Variants in SPNS2 observed in about 807,000 individuals in gnomAD.
SPNS2 encodes the protein sphingosine-1-phosphate transporter SPNS2.
In SPNS2, 37 loss-of-function variants were observed where a neutral mutation model predicts 57.6. That is an observed-to-expected ratio of 0.64 (90% CI 0.49 to 0.85). The LOEUF (loss-of-function observed/expected upper bound fraction) is 0.85. SPNS2 is among the 40% of genes least tolerant of loss of function. The pLI is 0.00. For missense variants in SPNS2, 831 were observed against 779.1 expected, an observed-to-expected ratio of 1.07 and a Z score of -0.79; for synonymous variants, 440 against 346.9, an observed-to-expected ratio of 1.27 and a Z score of -2.98.
chr17:4,521,513 C>G (rs922708632), intron 2 of SPNS2, among the ~76,000 whole-genome samples: 1 of 152,236 alleles, frequency 6.6e-6, no homozygotes, highest in Non-Finnish European at 1.5e-5. Context: ...CCAGACCCAC[C>G]CTGGAGAGCT....
Position 4,530,988 on chromosome 17 carries a change from C to T in SPNS2, c.726-65C>T, listed in dbSNP as rs1158068469. 3.2e-6 allele frequency: 5 copies of T among 1,579,944 alleles called. No individual in the cohort carries two copies. In the African/African-American group the frequency reaches 5.4e-5, roughly 17 times the overall value. On this transcript the variant is annotated intron_variant, in intron 4 of 12. Coordinates refer to ENST00000329078, the MANE Select transcript of SPNS2 (RefSeq NM_001124758.3). ...AGGGTGGGCAGCCTGCCTTGCAGAC[C>T]AGCGGGCACTCCCTGTCCCCAGCCC...
At chr17:4,516,888 G>A (rs189772629) in intron 2 of SPNS2, among the ~76,000 whole-genome samples, 14 of 152,304 alleles carry the variant, frequency 9.2e-5, no homozygotes, top group Non-Finnish European at 1.5e-4. Context: ...CCAGATAAAC[G>A]TCTTCGAAGC....
chr17:4,530,780 GC>G lies in SPNS2; in HGVS notation c.723del (p.Ser242ValfsTer11). On this transcript the variant is annotated frameshift_variant and splice_region_variant, in exon 4 of 13. Coordinates refer to ENST00000329078, the MANE Select transcript of SPNS2 (RefSeq NM_001124758.3). LOFTEE classifies it high-confidence loss of function. Reference sequence around the variant, plus strand: ...GTCTTCTACTTCGCCATCCCACTGGGCAGGTGAGAGCCGGAGATGCCAGGGT... The same window carrying G: ...GTCTTCTACTTCGCCATCCCACTGGGAGGTGAGAGCCGGAGATGCCAGGGT... The part of the protein sequence containing the change: ...LSVFYFAIPL[G>X]SGLGYITGSS... 6.2e-7 allele frequency: 1 copy of G among 1,612,212 alleles called. No homozygotes were observed. The highest frequency in any genetic ancestry group is 1.1e-5 in the South Asian group (1 of 91,006).
At position 4,499,305 on chromosome 17, in the gene SPNS2, C is replaced by T. The variant is rs936282509; in HGVS notation, c.258C>T (p.Gly86=). 5.7e-5 allele frequency: 85 copies of T among 1,495,170 alleles called. No homozygotes were observed. The highest frequency in any genetic ancestry group is 6.9e-5 in the Non-Finnish European group (78 of 1,129,074). 92.6% of individuals were successfully genotyped at this position (1,495,170 alleles called of 1,614,324 possible). The part of the protein sequence containing the change: ...GTPGCAATAK[G]PGAQQPKPAS... ...CCGGCTGCGCAGCTACTGCAAAGGG[C>T]CCCGGCGCTCAGCAGCCCAAACCGG... is the stretch of plus-strand genomic sequence containing the variant. The change falls in exon 1 of 13, where the codon GGC becomes GGT. Residue 86 remains glycine (G), a synonymous_variant. Transcript: ENST00000329078. The surrounding 1 kb of genome is among the most constrained non-coding windows in gnomAD (Gnocchi z 5.2).
Position 4,513,292 on chromosome 17 carries a change from G to T in SPNS2, c.416G>T (p.Gly139Val), listed in dbSNP as rs370910513. 1.2e-6 allele frequency: 2 copies of T among 1,613,860 alleles called. No individual in the cohort carries two copies. The highest frequency in any genetic ancestry group is 2.7e-5 in the African/African-American group (2 of 74,932). ...IQQHFGVKDRGAGLLQSVFIC... is the reference protein window; with the variant it reads ...IQQHFGVKDRVAGLLQSVFIC... ...CAGCACTTTGGGGTCAAGGACCGAG[G>T]CGCCGGCCTGCTGCAGTCAGGTGAG... is the stretch of plus-strand genomic sequence containing the variant. Residue 139 changes from glycine (G) to valine (V), a missense_variant, in exon 2 of 13, where the codon GGC becomes GTC. Physicochemically the swap from Gly to Val is moderately radical, Grantham distance 109 (BLOSUM62 -3). Around this residue, in one of 2 missense-constraint regions of SPNS2, gnomAD observed 305 missense variants for 378.3 expected, o/e 0.81. Coordinates refer to ENST00000329078, the MANE Select transcript of SPNS2 (RefSeq NM_001124758.3).
Position 4,533,452 on chromosome 17 carries a change from A to AG in SPNS2, c.1278+23dup, listed in dbSNP as rs1176558822. 6 of 1,577,002 alleles carry AG rather than the reference A, an allele frequency of 3.8e-6. No individual in the cohort carries two copies. Among genetic ancestry groups the AG allele is most frequent in the Non-Finnish European group, 5.2e-6 (6 of 1,160,790 alleles). On this transcript the variant is annotated intron_variant, in intron 8 of 12. Transcript: ENST00000329078. ...GCCTATGTGAGTGCAGCGGGGGTCA[A>AG]GGGTGCTGGGGGAGCTGGGCCTGGG...
chr17:4,530,049 C>G (rs1905397245), intron 3 of SPNS2, among the ~76,000 whole-genome samples: 1 of 152,150 alleles, frequency 6.6e-6, no homozygotes, highest in African/African-American at 2.4e-5. Context: ...AGGGGTCATG[C>G]TACCAGCAGC....
intron 2 of SPNS2, among the ~76,000 whole-genome samples, chr17:4,524,682 T>G (rs530253500): frequency 6.6e-6 from 1 of 152,288 alleles, no homozygotes; most frequent in Admixed American, 6.5e-5. Context: ...AGACCCTGTC[T>G]CAAAACAATA....
intron 1 of SPNS2, among the ~76,000 whole-genome samples, chr17:4,509,425 G>A (rs77876138): frequency 0.045 from 6,818 of 152,326 alleles, 208 homozygotes; most frequent in Non-Finnish European, 0.069. Flanking sequence ...GGGTCAGAGA[G>A]CAAGACCCTG....
Position 4,536,728 on chromosome 17 carries a change from C to CCT in SPNS2, c.1608-162_1608-161dup, listed in dbSNP as rs544983317. On this transcript the variant is annotated intron_variant, in intron 11 of 12. Transcript: ENST00000329078. The stretch of plus-strand genomic sequence containing the variant: ...ACTTCTTTCTCCTTTCCTCTTTACT[C>CCT]CTCTCTCTCTCCTCTCCCCACCCCT... 6.4e-4 allele frequency: 421 copies of CCT among 659,570 alleles called. 2 individuals carry two copies. In the African/African-American group the frequency reaches 6.9e-3, roughly 11 times the overall value. The allele number at this position is 659,570 out of a possible 1,614,324, so 40.9% of individuals were successfully genotyped here. A position where few individuals can be genotyped will look rare whatever the true frequency, so the allele number is the denominator to read the frequency against.
rs533199194 is a variant in SPNS2 at position 4,514,348 on chromosome 17, C to T, written c.436+1036C>T. On this transcript the variant is annotated intron_variant, in intron 2 of 12. Transcript: ENST00000329078. ...CCAGTCCAGTCGGTGAACCCCTTCC[C>T]CTGCCTGGGCCCTCCTGGGAGGGAG... Among the ~76,000 whole-genome samples, 3 of 152,298 alleles carry T rather than the reference C, an allele frequency of 2.0e-5. No homozygotes were observed. In the East Asian group the frequency reaches 5.8e-4, roughly 29 times the overall value.
rs972759756 is a variant in SPNS2 at position 4,512,408 on chromosome 17, A to G, written c.371-839A>G. 1.3e-5 allele frequency among the ~76,000 whole-genome samples: 2 copies of G among 151,942 alleles called. No homozygotes were observed. The highest frequency in any genetic ancestry group is 4.8e-5 in the African/African-American group (2 of 41,354). ...GTCCCCCAGAAGCCATGGCTCTGCC[A>G]GTCTGCTGGGGCTGTGGGTGGTTTC... On this transcript the variant is annotated intron_variant, in intron 1 of 12. Transcript: ENST00000329078. This position sits in a 1 kb window ranked among gnomAD's most constrained non-coding sequence, Gnocchi z 5.2.
intron 2 of SPNS2, among the ~76,000 whole-genome samples, chr17:4,524,702 T>A (rs1266062991): frequency 2.0e-5 from 3 of 152,144 alleles, no homozygotes; most frequent in African/African-American, 7.2e-5. Flanking sequence ...AAAAATAAAA[T>A]TTTAAAAAGA....
intron 9 of SPNS2, among the ~76,000 whole-genome samples, chr17:4,534,976 G>T (rs1905703508): frequency 6.6e-6 from 1 of 152,162 alleles, no homozygotes; most frequent in South Asian, 2.1e-4. Context: ...TGGAAACAGG[G>T]CCACTCGTTT....
At chr17:4,517,296 A>G (rs1389542799) in intron 2 of SPNS2, among the ~76,000 whole-genome samples, 3 of 151,914 alleles carry the variant, frequency 2.0e-5, no homozygotes, top group African/African-American at 7.2e-5. Context: ...TCCTTAGGGA[A>G]TTCTTCATGA....
intron 5 of SPNS2, 75 bp downstream of exon 5, chr17:4,531,194 C>T (rs62064929): frequency 0.033 from 47,096 of 1,441,130 alleles, 972 homozygotes; most frequent in Middle Eastern, 0.053. Flanking sequence ...GAGATGTAAT[C>T]CAGGCTAGGA....
chr17:4,516,088 TG>T (rs1904977015), intron 2 of SPNS2, among the ~76,000 whole-genome samples: 1 of 151,884 alleles, frequency 6.6e-6, no homozygotes. Flanking sequence ...CTGAGGCAGG[TG>T]GATCATCTGA....
chr17:4,500,097 A>G (rs1354430726), intron 1 of SPNS2, among the ~76,000 whole-genome samples: 1 of 152,082 alleles, frequency 6.6e-6, no homozygotes, highest in African/African-American at 2.4e-5. Flanking sequence ...CCCCTGCTCT[A>G]TGGTGCTTGG....
At chr17:4,534,642 C>T (rs74599522) in intron 9 of SPNS2, among the ~76,000 whole-genome samples, 1 of 152,098 alleles carries the variant, frequency 6.6e-6, no homozygotes, top group African/African-American at 2.4e-5. Context: ...GGAAGCCTGC[C>T]TTACCCCACC....
Sources: gnomAD v4.1 joint callset for allele counts (sites outside exome capture counted in the v4.1 genomes callset) on GRCh38, gnomAD v4.1.1 for gene constraint, gnomAD v4.1.1 regional missense constraint, Gnocchi (gnomAD v3.1) non-coding constraint, MANE v1.5 for transcripts, NCBI Gene and HGNC (gene_info 2026-07-23, HGNC 2026-07-21) for gene names.